Variants in GLIS3 observed in about 807,000 individuals in gnomAD.
GLIS3 encodes GLIS family zinc finger 3, also known as zinc finger protein GLIS3.
A neutral mutation model predicts 78.6 loss-of-function variants in GLIS3; 53 were observed. The observed-to-expected ratio is 0.67, with a 90% CI of 0.54 to 0.85. GLIS3 has a LOEUF of 0.85. Ranked by LOEUF, GLIS3 falls within the 40% of genes least tolerant of loss-of-function variation. The pLI is 0.00. For missense variants in GLIS3, 1,703 were observed against 1,231.1 expected, an observed-to-expected ratio of 1.38 and a Z score of -5.74; for synonymous variants, 684 against 509.9, an observed-to-expected ratio of 1.34 and a Z score of -4.60.
At chr9:4,298,516 G>GT (rs1554652649) in intron 1 of GLIS3, 1 of 405,420 alleles carries the variant, frequency 2.5e-6, no homozygotes, top group Non-Finnish European at 4.9e-6. Context: ...GGCAAGGTGT[G>GT]TGTCTAGGAG....
intron 4 of GLIS3, among the ~76,000 whole-genome samples, chr9:4,065,890 C>T (rs890116894): frequency 6.6e-6 from 1 of 151,686 alleles, no homozygotes; most frequent in East Asian, 1.9e-4. Context: ...CTAAGAAGAC[C>T]GTAATTTTAA....
Position 3,855,331 on chromosome 9 carries a change from T to C in GLIS3, c.2473+678A>G, listed in dbSNP as rs147932023. ...TTCTCCTTTTCATCCTCCATTCACCTAACAAGTATCTGTCTCTTTGCCACT... is the reference window on the plus strand; with the variant it reads ...TTCTCCTTTTCATCCTCCATTCACCCAACAAGTATCTGTCTCTTTGCCACT... On this transcript the variant is annotated intron_variant, in intron 9 of 10. Coordinates refer to ENST00000381971, the MANE Select transcript of GLIS3 (RefSeq NM_001042413.2). 5.5e-4 allele frequency: 85 copies of C among 153,612 alleles called. 1 individual carries two copies. The highest frequency in any genetic ancestry group is 2.0e-3 in the African/African-American group (83 of 41,582). 9.5% of individuals were successfully genotyped at this position (153,612 alleles called of 1,614,324 possible).
intron 2 of GLIS3, among the ~76,000 whole-genome samples, chr9:4,140,989 G>A (rs974565593): frequency 1.2e-4 from 18 of 152,044 alleles, no homozygotes; most frequent in African/African-American, 3.4e-4. Context: ...TAGTAGAGAC[G>A]GGGTTTCATC....
chr9:4,063,580 G>A (rs1368974904), intron 4 of GLIS3, among the ~76,000 whole-genome samples: 1 of 152,054 alleles, frequency 6.6e-6, no homozygotes, highest in Admixed American at 6.5e-5. Context: ...AAATGGTGTT[G>A]TATTAAAAGC....
chr9:4,069,782 A>G (rs961330781), intron 4 of GLIS3, among the ~76,000 whole-genome samples: 3 of 152,078 alleles, frequency 2.0e-5, no homozygotes, highest in Non-Finnish European at 2.9e-5. Flanking sequence ...AAGCTCTTTT[A>G]TGAAAGATTT....
chr9:4,407,440 T>C, the GLIS3 span, among the ~76,000 whole-genome samples: 2 of 152,106 alleles, frequency 1.3e-5, no homozygotes, highest in East Asian at 3.9e-4. Flanking sequence ...GGTCAGGAGA[T>C]CGAGACCATC....
At chr9:4,288,904 G>T (rs952989378) in intron 1 of GLIS3, among the ~76,000 whole-genome samples, 2 of 152,002 alleles carry the variant, frequency 1.3e-5, no homozygotes, top group African/African-American at 4.8e-5. Context: ...AAAATATGGC[G>T]AATATTCCAG....
intron 4 of GLIS3, among the ~76,000 whole-genome samples, chr9:4,024,823 G>A (rs1823186720): frequency 6.6e-6 from 1 of 152,112 alleles, no homozygotes; most frequent in Admixed American, 6.5e-5. Flanking sequence ...TCACAGATAT[G>A]ACCAATTTAG....
At chr9:4,163,051 C>T (rs1286095806) in intron 2 of GLIS3, among the ~76,000 whole-genome samples, 1 of 152,140 alleles carries the variant, frequency 6.6e-6, no homozygotes, top group Non-Finnish European at 1.5e-5. Flanking sequence ...GCAACAATGC[C>T]TGGGCATCAT....
rs150818777 is a variant in GLIS3 at position 3,870,997 on chromosome 9, A to G, written c.2297+8430T>C. 1.7e-3 allele frequency among the ~76,000 whole-genome samples: 261 copies of G among 152,330 alleles called. 1 individual carries two copies. The highest frequency in any genetic ancestry group is 6.0e-3 in the African/African-American group (249 of 41,582). On this transcript the variant is annotated intron_variant, in intron 8 of 10. Transcript: ENST00000381971. ...GCAAGCTACTTATTTCCCAGATACA[A>G]TGGGGATACAGACACTGGGTAAATA...
the GLIS3 span, among the ~76,000 whole-genome samples, chr9:4,406,977 A>G: frequency 6.6e-6 from 1 of 152,200 alleles, no homozygotes; most frequent in African/African-American, 2.4e-5. Flanking sequence ...AAAGACCCAG[A>G]ATAGCCAAAG....
chr9:4,216,515 A>AAAAAG (rs1359050729), intron 2 of GLIS3, among the ~76,000 whole-genome samples: 2 of 130,578 alleles, frequency 1.5e-5, no homozygotes, highest in Non-Finnish European at 3.6e-5. Flanking sequence ...AAAGAAAAAG[A>AAAAAG]AAAAAAAAAA....
chr9:3,858,023 G>A (rs1045146156), intron 8 of GLIS3, among the ~76,000 whole-genome samples: 12 of 152,282 alleles, frequency 7.9e-5, no homozygotes, highest in Admixed American at 7.2e-4. Context: ...CCCAGAGATG[G>A]AGGCGGGAAG....
intron 4 of GLIS3, among the ~76,000 whole-genome samples, chr9:4,041,880 C>T (rs1165923945): frequency 1.3e-5 from 2 of 152,184 alleles, no homozygotes; most frequent in African/African-American, 4.8e-5. Context: ...GATTATGCTT[C>T]TGTAACCTAT....
At chr9:4,073,797 G>C (rs1294632844) in intron 4 of GLIS3, among the ~76,000 whole-genome samples, 1 of 151,560 alleles carries the variant, frequency 6.6e-6, no homozygotes, top group Non-Finnish European at 1.5e-5. Context: ...ACTAGAAATT[G>C]TTTAAATAAA....
At chr9:4,062,583 T>C (rs1826740823) in intron 4 of GLIS3, among the ~76,000 whole-genome samples, 1 of 152,214 alleles carries the variant, frequency 6.6e-6, no homozygotes, top group Non-Finnish European at 1.5e-5. Flanking sequence ...AATGGGATTA[T>C]AACTCTTCTG....
intron 4 of GLIS3, among the ~76,000 whole-genome samples, chr9:4,054,011 T>G (rs1263010712): frequency 1.3e-5 from 2 of 152,260 alleles, no homozygotes; most frequent in African/African-American, 4.8e-5. Context: ...GTCAAGTTAC[T>G]CTTTGAATAG....
intron 6 of GLIS3, among the ~76,000 whole-genome samples, chr9:3,905,863 C>T (rs1486251034): frequency 6.6e-6 from 1 of 152,152 alleles, no homozygotes; most frequent in East Asian, 1.9e-4. Context: ...GTCCTCACTC[C>T]TTCCAGAGAG....
intron 2 of GLIS3, among the ~76,000 whole-genome samples, chr9:4,236,812 G>T (rs1822793508): frequency 6.6e-6 from 1 of 152,140 alleles, no homozygotes; most frequent in South Asian, 2.1e-4. Flanking sequence ...TATTACATAA[G>T]ACAATGCAAA....
Sources: gnomAD v4.1 joint callset for allele counts (sites outside exome capture counted in the v4.1 genomes callset) on GRCh38, gnomAD v4.1.1 for gene constraint, MANE v1.5 for transcripts, NCBI Gene and HGNC (gene_info 2026-07-23, HGNC 2026-07-21) for gene names.